Variants in PIGK observed in about 807,000 individuals in gnomAD.
The protein encoded by PIGK is GPI-anchor transamidase.
A neutral mutation model predicts 50.6 loss-of-function variants in PIGK; 42 were observed. The ratio of observed to expected loss-of-function variants is 0.83; its 90% CI spans 0.65 to 1.07. The LOEUF is 1.07. PIGK is among the 50% of genes least tolerant of loss of function. The pLI is 0.00. For synonymous variants in PIGK, 151 were observed against 156.0 expected (o/e 0.97, Z 0.24); for missense variants, 448 against 488.7 (o/e 0.92, Z 0.78).
At chr1:77,113,960 T>C (rs925504702) in intron 10 of PIGK, among the ~76,000 whole-genome samples, 12 of 152,118 alleles carry the variant, frequency 7.9e-5, no homozygotes, top group African/African-American at 2.9e-4. Flanking sequence ...AAGAAAGCAA[T>C]TGCAAACAGC....
rs142473240 is a variant in PIGK, at chr1:77,161,594, C to A, written c.702G>T (p.Ser234=). The change falls in exon 7 of 11, where the codon TCG becomes TCT. Residue 234 remains serine (S), a splice_region_variant and synonymous_variant. Transcript: ENST00000370812. ...TTACAAATGGGGAAAATGCACATAC[C>A]GAGAGTGAATCTTCTCCCACTTGAC... ...ASSQVGEDSL[S]HQPDPAIGVH... 7.4e-7 allele frequency: 1 copy of A among 1,350,278 alleles called. No homozygotes were observed. Among genetic ancestry groups the A allele is most frequent in the East Asian group, 2.3e-5 (1 of 43,538 alleles). 83.6% of individuals were successfully genotyped at this position (1,350,278 alleles called of 1,614,324 possible). A position where few individuals can be genotyped will look rare whatever the true frequency, so the allele number is the denominator to read the frequency against.
chr1:77,158,521 C>T (rs1557809285), intron 8 of PIGK, among the ~76,000 whole-genome samples: 2 of 151,982 alleles, frequency 1.3e-5, no homozygotes, highest in Non-Finnish European at 2.9e-5. Context: ...CAGGAAGATG[C>T]GAAAAAGTCT....
chr1:77,160,369 T>C lies in PIGK; in HGVS notation c.813+926A>G, dbSNP rs889186251. 1.2e-4 allele frequency among the ~76,000 whole-genome samples: 19 copies of C among 152,202 alleles called. 1 individual carries two copies. The highest frequency in any genetic ancestry group is 8.5e-4 in the Admixed American group (13 of 15,286). On this transcript the variant is annotated intron_variant, in intron 8 of 10. Coordinates refer to ENST00000370812, the MANE Select transcript of PIGK (RefSeq NM_005482.3). ...TAGTTCTATCAAATTTCACAGCCTA[T>C]AGCAGTGGGCTTCAGAATCTGAGAA...
intron 3 of PIGK, among the ~76,000 whole-genome samples, chr1:77,172,213 C>T (rs2100562879): frequency 6.6e-6 from 1 of 151,600 alleles, no homozygotes; most frequent in African/African-American, 2.4e-5. Context: ...AGATTGAAAA[C>T]CCAATTTAGG....
chr1:77,157,455 G>T (rs558418615), intron 8 of PIGK, among the ~76,000 whole-genome samples: 2 of 152,012 alleles, frequency 1.3e-5, no homozygotes, highest in African/African-American at 4.8e-5. Context: ...TTTTTTAAAC[G>T]ATCATTAGAT....
intron 9 of PIGK, among the ~76,000 whole-genome samples, chr1:77,138,264 G>A (rs1454745178): frequency 6.6e-6 from 1 of 152,184 alleles, no homozygotes; most frequent in Admixed American, 6.5e-5. Context: ...CCATTAAAAG[G>A]ACCATGCCCT....
At chr1:77,206,559 C>T (rs1656291210) in intron 3 of PIGK, 81 bp downstream of exon 3, 2 of 799,916 alleles carry the variant, frequency 2.5e-6, no homozygotes, top group Non-Finnish European at 4.0e-6. Context: ...TCAAAAGTAA[C>T]ACAAAATACA....
intron 9 of PIGK, among the ~76,000 whole-genome samples, chr1:77,122,824 G>A (rs943889428): frequency 3.3e-5 from 5 of 152,124 alleles, no homozygotes; most frequent in Non-Finnish European, 7.4e-5. Flanking sequence ...TCCCCGTGCT[G>A]TTATATCTGT....
intron 10 of PIGK, among the ~76,000 whole-genome samples, chr1:77,112,709 C>A (rs137928076): frequency 6.6e-6 from 1 of 151,894 alleles, no homozygotes. Flanking sequence ...TATAATGCAC[C>A]TTTTTTTCCC....
chr1:77,210,524 C>T (rs1358801629), intron 1 of PIGK, 35 bp from the exon 2 acceptor site: 8 of 1,403,482 alleles, frequency 5.7e-6, no homozygotes, highest in African/African-American at 1.4e-5. Flanking sequence ...GAAAAAGGCA[C>T]AATTTCTCAG....
intron 3 of PIGK, among the ~76,000 whole-genome samples, chr1:77,197,438 G>C (rs181315983): frequency 1.7e-3 from 262 of 152,258 alleles, no homozygotes; most frequent in African/African-American, 6.1e-3. Flanking sequence ...AGGTGACAAA[G>C]CAGTTGTTCT....
intron 3 of PIGK, among the ~76,000 whole-genome samples, chr1:77,197,190 C>T (rs565744641): frequency 5.5e-4 from 83 of 152,134 alleles, no homozygotes; most frequent in African/African-American, 1.8e-3. Flanking sequence ...TACAGCTGGG[C>T]CAGCCAACCA....
At position 77,154,084 on chromosome 1, in the gene PIGK, T is replaced by C. The variant is rs766091493; in HGVS notation, c.986+365A>G. On this transcript the variant is annotated intron_variant, in intron 9 of 10. Coordinates refer to ENST00000370812, the MANE Select transcript of PIGK (RefSeq NM_005482.3). ...ACATACAATTCACTCCCCAAGGCAG[T>C]ACCTGGTTTACACTTCTCATTCCTT... The C allele has an allele frequency of 2.5e-4, 75 of 296,888 alleles. 1 individual carries two copies. The highest frequency in any genetic ancestry group is 4.0e-4 in the Non-Finnish European group (65 of 163,226). The allele number at this position is 296,888 out of a possible 1,614,324, so 18.4% of individuals were successfully genotyped here.
chr1:77,133,414 A>T (rs1290966632), intron 9 of PIGK, among the ~76,000 whole-genome samples: 9 of 152,124 alleles, frequency 5.9e-5, no homozygotes, highest in Non-Finnish European at 1.3e-4. Flanking sequence ...ATTTTCTTGA[A>T]CATCTTAAAC....
chr1:77,161,489 T>C lies in PIGK; in HGVS notation c.703-84A>G, dbSNP rs927860813. On this transcript the variant is annotated intron_variant, in intron 7 of 10. Coordinates refer to ENST00000370812, the MANE Select transcript of PIGK (RefSeq NM_005482.3). ...ATGTAACCAAAATTTCCTTCTAATGTATTAGTCTAAGAAAGAACAGATACA... is the reference window on the plus strand; with the variant it reads ...ATGTAACCAAAATTTCCTTCTAATGCATTAGTCTAAGAAAGAACAGATACA... The C allele has an allele frequency of 1.1e-5, 11 of 974,616 alleles. No individual in the cohort carries two copies. The East Asian group carries it at 2.6e-4, about 23-fold the overall frequency. The allele number at this position is 974,616 out of a possible 1,614,324, so 60.4% of individuals were successfully genotyped here. A position where few individuals can be genotyped will look rare whatever the true frequency, so the allele number is the denominator to read the frequency against.
chr1:77,155,881 C>G (rs1333918943), intron 8 of PIGK, among the ~76,000 whole-genome samples: 2 of 152,164 alleles, frequency 1.3e-5, no homozygotes, highest in Non-Finnish European at 2.9e-5. Context: ...GTTCCAAGCA[C>G]TGTGCTAAGC....
chr1:77,204,452 A>C (rs1656243316), intron 3 of PIGK, among the ~76,000 whole-genome samples: 2 of 151,792 alleles, frequency 1.3e-5, no homozygotes, highest in Admixed American at 1.3e-4. Context: ...CTGTGATCTC[A>C]CTCTGCCCCC....
At chr1:77,096,649 G>A (rs1424710231) in intron 10 of PIGK, among the ~76,000 whole-genome samples, 1 of 152,146 alleles carries the variant, frequency 6.6e-6, no homozygotes, top group Non-Finnish European at 1.5e-5. Context: ...GAGCCTAACT[G>A]AGAACACAAC....
At chr1:77,166,670 A>T in intron 5 of PIGK, 49 bp downstream of exon 5, 1 of 896,802 alleles carries the variant, frequency 1.1e-6, no homozygotes, top group East Asian at 2.6e-5. Flanking sequence ...CTTTCTTTTC[A>T]AAGAGTTTCA....
Sources: allele counts gnomAD v4.1 joint callset (sites outside exome capture counted in the v4.1 genomes callset), GRCh38; gene constraint gnomAD v4.1.1; transcripts MANE v1.5; gene names NCBI Gene and HGNC (gene_info 2026-07-23, HGNC 2026-07-21).